The following GRIN3A variants were observed in gnomAD, a reference collection of about 807,000 sequenced individuals.
GRIN3A encodes the protein glutamate ionotropic receptor NMDA type subunit 3A.
A neutral mutation model predicts 92.4 loss-of-function variants in GRIN3A; 47 were observed. The observed-to-expected ratio is 0.51, with a 90% CI of 0.40 to 0.65. GRIN3A has a LOEUF of 0.65. Among genes scored for constraint, GRIN3A ranks in the 30% least tolerant of loss-of-function variants. The probability of loss-of-function intolerance (pLI) is 0.00; values close to 1 mark genes in which losing one functional copy is unlikely to be tolerated. For synonymous variants in GRIN3A, 527 were observed against 540.6 expected, an observed-to-expected ratio of 0.97 and a Z score of 0.35; for missense variants, 1,324 against 1,393.1, an observed-to-expected ratio of 0.95 and a Z score of 0.79.
intron 3 of GRIN3A, among the ~76,000 whole-genome samples, chr9:101,649,965 T>C (rs1828992655): frequency 6.6e-6 from 1 of 151,908 alleles, no homozygotes; most frequent in Non-Finnish European, 1.5e-5. Context: ...ATTCAAAGAG[T>C]GGAGCACTGT....
chr9:101,674,832 G>C (rs1829373324), intron 2 of GRIN3A, among the ~76,000 whole-genome samples: 1 of 152,014 alleles, frequency 6.6e-6, no homozygotes. Flanking sequence ...ATAATAATCG[G>C]ATTGGAGAGC....
chr9:101,622,179 C>T (rs934288577), intron 5 of GRIN3A, among the ~76,000 whole-genome samples: 1 of 152,136 alleles, frequency 6.6e-6, no homozygotes, highest in Non-Finnish European at 1.5e-5. Flanking sequence ...AAAACAAAGA[C>T]AGAGGTAAAC....
At position 101,687,080 on chromosome 9, in the gene GRIN3A, A is replaced by G. The variant is rs776441339; in HGVS notation, c.820T>C (p.Trp274Arg). Reference protein sequence around the residue: ...NFSLLLCQEDWNITDFLLLTQ... With the variant: ...NFSLLLCQEDRNITDFLLLTQ... ...AGGAGGAGGAAGTCGGTGATGTTCCAGTCTTCCTGGCACAGCAACAAGCTA... is the reference window on the plus strand; with the variant it reads ...AGGAGGAGGAAGTCGGTGATGTTCCGGTCTTCCTGGCACAGCAACAAGCTA... Residue 274 changes from tryptophan (W) to arginine (R), a missense_variant, in exon 2 of 9, where the codon TGG becomes CGG. Physicochemically the swap from Trp to Arg is moderately radical, Grantham distance 101. Transcript: ENST00000361820. 6.2e-7 allele frequency: 1 copy of G among 1,614,070 alleles called. No individual in the cohort carries two copies. The highest frequency in any genetic ancestry group is 1.1e-5 in the South Asian group (1 of 91,074).
chr9:101,627,060 C>A (rs1309504128), intron 4 of GRIN3A, among the ~76,000 whole-genome samples: 3 of 152,172 alleles, frequency 2.0e-5, no homozygotes, highest in Admixed American at 1.3e-4. Context: ...CCTAGTTTGT[C>A]TGCTATTTCT....
chr9:101,629,272 TAC>T (rs142581524), intron 3 of GRIN3A, among the ~76,000 whole-genome samples: 8 of 151,944 alleles, frequency 5.3e-5, no homozygotes, highest in African/African-American at 1.9e-4. Context: ...ATATATATTA[TAC>T]ACACACACAC....
intron 3 of GRIN3A, among the ~76,000 whole-genome samples, chr9:101,633,842 A>G (rs1828744833): frequency 6.6e-6 from 1 of 152,098 alleles, no homozygotes; most frequent in African/African-American, 2.4e-5. Context: ...TGTACTGACT[A>G]AGGTTTCTTC....
chr9:101,628,915 TA>T (rs1362018462), intron 3 of GRIN3A, among the ~76,000 whole-genome samples: 1 of 152,212 alleles, frequency 6.6e-6, no homozygotes, highest in African/African-American at 2.4e-5. Context: ...AGTGTTTTCA[TA>T]AAATGTTCTC....
At chr9:101,640,538 A>G (rs1394868618) in intron 3 of GRIN3A, among the ~76,000 whole-genome samples, 2 of 152,200 alleles carry the variant, frequency 1.3e-5, no homozygotes, top group Admixed American at 1.3e-4. Context: ...TGACATAACC[A>G]GAATGTTAGT....
Position 101,737,972 on chromosome 9 carries a change from C to A in GRIN3A, c.8G>T (p.Arg3Ile). MR[R>I]LSLWWLLSRV... is the part of the protein sequence containing the mutation. ...GCTCAGCAGCCACCACAAACTCAGT[C>A]TCCTCATTACTGAGACCCGCAGGGA... Residue 3 changes from arginine (R) to isoleucine (I), a missense_variant, in exon 1 of 9, where the codon AGA becomes ATA. Coordinates refer to ENST00000361820, the MANE Select transcript of GRIN3A (RefSeq NM_133445.3). The A allele has an allele frequency of 2.0e-6, 3 of 1,535,248 alleles. No homozygotes were observed. Among genetic ancestry groups the A allele is most frequent in the African/African-American group, 1.4e-5 (1 of 73,196 alleles).
At chr9:101,643,385 A>G (rs1242782761) in intron 3 of GRIN3A, among the ~76,000 whole-genome samples, 3 of 152,126 alleles carry the variant, frequency 2.0e-5, no homozygotes, top group African/African-American at 4.8e-5. Context: ...ACTATTATCA[A>G]AAGTTGAATA....
intron 6 of GRIN3A, among the ~76,000 whole-genome samples, chr9:101,583,908 G>A (rs1178278711): frequency 6.6e-6 from 1 of 152,144 alleles, no homozygotes; most frequent in Non-Finnish European, 1.5e-5. Flanking sequence ...TCATACTAGA[G>A]TGCAATGGCA....
chr9:101,573,124 A>C lies in GRIN3A; in HGVS notation c.*50T>G. 6.8e-7 allele frequency: 1 copy of C among 1,466,554 alleles called. No homozygotes were observed. The highest frequency in any genetic ancestry group is 9.6e-7 in the Non-Finnish European group (1 of 1,045,810). 90.8% of individuals were successfully genotyped at this position (1,466,554 alleles called of 1,614,324 possible). On this transcript the variant is annotated 3_prime_UTR_variant, in exon 9 of 9. Transcript: ENST00000361820. ...ACAAAAGAGCATTACAAAGTGTCTC[A>C]AGGGCTCAGAGGAAGGTCAGGAACT...
intron 7 of GRIN3A, 79 bp downstream of exon 7, chr9:101,579,117 G>A: frequency 6.9e-7 from 1 of 1,447,236 alleles, no homozygotes; most frequent in Non-Finnish European, 9.7e-7. Context: ...TTAGTAGTCT[G>A]ACATAGGGCT....
intron 3 of GRIN3A, among the ~76,000 whole-genome samples, chr9:101,646,129 T>G (rs1022156297): frequency 2.0e-5 from 3 of 151,882 alleles, no homozygotes; most frequent in African/African-American, 7.2e-5. Flanking sequence ...TTTTGAGATC[T>G]TACCCAAAAA....
At chr9:101,633,200 T>C (rs1828736638) in intron 3 of GRIN3A, among the ~76,000 whole-genome samples, 1 of 152,216 alleles carries the variant, frequency 6.6e-6, no homozygotes, top group Non-Finnish European at 1.5e-5. Context: ...GTGCTGAGTA[T>C]ACTCATTTAA....
intron 3 of GRIN3A, among the ~76,000 whole-genome samples, chr9:101,655,067 A>T (rs1242521255): frequency 6.6e-6 from 1 of 151,948 alleles, no homozygotes; most frequent in Admixed American, 6.6e-5. Context: ...CATTCAATAT[A>T]GTTTTTCCTA....
chr9:101,733,805 T>C (rs147881416), intron 1 of GRIN3A, among the ~76,000 whole-genome samples: 34 of 152,256 alleles, frequency 2.2e-4, no homozygotes, highest in Non-Finnish European at 4.3e-4. Flanking sequence ...GCAGGCAAAG[T>C]TGTGGTTGGT....
At chr9:101,573,932 C>T (rs1005131710) in intron 8 of GRIN3A, among the ~76,000 whole-genome samples, 1 of 152,030 alleles carries the variant, frequency 6.6e-6, no homozygotes, top group African/African-American at 2.4e-5. Flanking sequence ...TTGTTGGGTT[C>T]TGAGCATCAA....
At chr9:101,587,854 T>C (rs553899044) in intron 6 of GRIN3A, among the ~76,000 whole-genome samples, 2 of 152,354 alleles carry the variant, frequency 1.3e-5, no homozygotes, top group Admixed American at 1.3e-4. Context: ...GACTCATAGA[T>C]GCTTGGAAGC....
Sources: gnomAD v4.1 joint callset for allele counts (sites outside exome capture counted in the v4.1 genomes callset) on GRCh38, gnomAD v4.1.1 for gene constraint, MANE v1.5 for transcripts, NCBI Gene and HGNC (gene_info 2026-07-23, HGNC 2026-07-21) for gene names.